The following CPNE2 variants were observed in gnomAD, a reference collection of about 807,000 sequenced individuals.
CPNE2 encodes the protein copine 2.
A neutral mutation model predicts 69.7 loss-of-function variants in CPNE2; 42 were observed. The ratio of observed to expected loss-of-function variants is 0.60; its 90% CI spans 0.47 to 0.78. The LOEUF (loss-of-function observed/expected upper bound fraction) is 0.78. Among genes scored for constraint, CPNE2 ranks in the 30% least tolerant of loss-of-function variants. The pLI is 0.00. For missense variants in CPNE2, 587 were observed against 732.0 expected, an observed-to-expected ratio of 0.80 and a Z score of 2.29; for synonymous variants, 294 against 289.8, an observed-to-expected ratio of 1.01 and a Z score of -0.15.
chr16:57,113,522 A>C (rs1432100625), intron 3 of CPNE2, 55 bp downstream of exon 3: 20 of 1,556,594 alleles, frequency 1.3e-5, no homozygotes, highest in Non-Finnish European at 1.7e-5. Context: ...GCAACCCCTC[A>C]AAAAGTCTCT....
rs775228864 is a variant in CPNE2 at position 57,147,631 on chromosome 16, G to A, written c.1620G>A (p.Leu540=). The A allele has an allele frequency of 1.1e-5, 17 of 1,603,312 alleles. No homozygotes were observed. The Middle Eastern group carries it at 8.3e-4, about 78-fold the overall frequency. The change falls in exon 16 of 16, where the codon CTG becomes CTA. Residue 540 remains leucine (L), a synonymous_variant. Transcript: ENST00000290776. Reference sequence around the variant, plus strand: ...TGCAGTATTTCAAGCATAAAAACCTGCCCCCCACCAACTCGGAGCCCGCCT... The same window carrying A: ...TGCAGTATTTCAAGCATAAAAACCTACCCCCCACCAACTCGGAGCCCGCCT... ...QVVQYFKHKN[L]PPTNSEPA
At chr16:57,121,263 C>T in intron 8 of CPNE2, 72 bp downstream of exon 8, 2 of 1,357,838 alleles carry the variant, frequency 1.5e-6, no homozygotes, top group Non-Finnish European at 2.1e-6. Context: ...GGTCTTGGGT[C>T]AGGCAGCCTG....
intron 6 of CPNE2, 92 bp from the exon 7 acceptor site, chr16:57,119,469 G>A: frequency 1.7e-6 from 2 of 1,207,094 alleles, no homozygotes; most frequent in Non-Finnish European, 1.2e-6. Context: ...CTGTGGGTCT[G>A]CATTTTGTCA....
intron 1 of CPNE2, among the ~76,000 whole-genome samples, chr16:57,100,082 T>C (rs1412365489): frequency 6.6e-6 from 1 of 152,096 alleles, no homozygotes; most frequent in African/African-American, 2.4e-5. Flanking sequence ...CTAGTTTTTG[T>C]GTTTTTAGTG....
intron 1 of CPNE2, among the ~76,000 whole-genome samples, chr16:57,098,379 C>G (rs1026013483): frequency 1.3e-5 from 2 of 152,348 alleles, no homozygotes; most frequent in Admixed American, 1.3e-4. Flanking sequence ...CCGCCCCCAC[C>G]TGGTCAGGAG....
chr16:57,136,472 T>C (rs1171642422), intron 13 of CPNE2, among the ~76,000 whole-genome samples: 3 of 152,228 alleles, frequency 2.0e-5, no homozygotes, highest in Non-Finnish European at 4.4e-5. Context: ...AAAGCATCAC[T>C]GCAAGCTTCG....
chr16:57,097,949 G>T (rs1333697595), intron 1 of CPNE2, among the ~76,000 whole-genome samples: 1 of 152,312 alleles, frequency 6.6e-6, no homozygotes, highest in African/African-American at 2.4e-5. Flanking sequence ...CAGGAGGGAG[G>T]AGTGGCAGGA....
rs2145289902 is a variant in CPNE2, at chr16:57,146,505, A to G, written c.1539+184A>G. On this transcript the variant is annotated intron_variant, in intron 15 of 15. Coordinates refer to ENST00000290776, the MANE Select transcript of CPNE2 (RefSeq NM_152727.6). The surrounding 1 kb of genome is among the most constrained non-coding windows in gnomAD (Gnocchi z 4.4). ...GCCAGGCCTTGCCCCGGTGGTGGCC[A>G]TTGTGATAGTGTGAGCACTTGCTTC... 1 of 604,594 alleles carries G rather than the reference A, an allele frequency of 1.7e-6. No individual in the cohort carries two copies. The highest frequency in any genetic ancestry group is 2.9e-6 in the Non-Finnish European group (1 of 343,204). The allele number at this position is 604,594 out of a possible 1,614,324, so 37.5% of individuals were successfully genotyped here.
intron 6 of CPNE2, 34 bp downstream of exon 6, chr16:57,119,312 G>A (rs1278992134): frequency 1.3e-6 from 2 of 1,593,614 alleles, no homozygotes; most frequent in African/African-American, 2.7e-5. Context: ...TCTCTAAGCA[G>A]TGGGCCTGCA....
chr16:57,115,802 C>T (rs564996048), intron 4 of CPNE2, among the ~76,000 whole-genome samples: 1 of 152,386 alleles, frequency 6.6e-6, no homozygotes, highest in African/African-American at 2.4e-5. Flanking sequence ...TGCCTGCCCT[C>T]CCCTGGGGGT....
At chr16:57,127,800 T>C (rs773023057) in intron 11 of CPNE2, 49 bp from the exon 12 acceptor site, 1 of 1,587,464 alleles carries the variant, frequency 6.3e-7, no homozygotes, top group Non-Finnish European at 8.6e-7. Flanking sequence ...GAGGGTCGGG[T>C]GGTGTCCTCA....
chr16:57,137,309 T>C, intron 14 of CPNE2, 27 bp downstream of exon 14: 1 of 1,613,472 alleles, frequency 6.2e-7, no homozygotes. Context: ...AAGCCAGTCA[T>C]GCCAGGAAAC....
At chr16:57,107,312 G>T (rs1041320384) in intron 1 of CPNE2, among the ~76,000 whole-genome samples, 73 of 152,338 alleles carry the variant, frequency 4.8e-4, no homozygotes, top group South Asian at 6.2e-4. Flanking sequence ...TTATAACAAG[G>T]TTCTAGGAAC....
intron 4 of CPNE2, 142 bp downstream of exon 4, chr16:57,115,692 T>C (rs1311255811): frequency 1.7e-6 from 1 of 590,400 alleles, no homozygotes; most frequent in African/African-American, 1.9e-5. Flanking sequence ...AACAGGTCTC[T>C]TAGCAACCGG....
intron 4 of CPNE2, among the ~76,000 whole-genome samples, chr16:57,117,213 G>T (rs1279747146): frequency 2.0e-5 from 3 of 152,086 alleles, no homozygotes; most frequent in African/African-American, 4.8e-5. Flanking sequence ...GACCACCCCC[G>T]GTGTCTGGTC....
chr16:57,111,804 G>A (rs1232571683), intron 2 of CPNE2, among the ~76,000 whole-genome samples: 1 of 152,222 alleles, frequency 6.6e-6, no homozygotes, highest in African/African-American at 2.4e-5. Context: ...TTGGCTTGAA[G>A]GTTGGAAAGA....
rs2069694104 is a variant in CPNE2 at position 57,113,354 on chromosome 16, T to C, written c.247T>C (p.Tyr83His). The C allele has an allele frequency of 6.2e-7, 1 of 1,614,182 alleles. No individual in the cohort carries two copies. Among genetic ancestry groups the C allele is most frequent in the Non-Finnish European group, 8.5e-7 (1 of 1,180,022 alleles). Residue 83 changes from tyrosine to histidine, a missense_variant, in exon 3 of 16, where the codon TAC (tyrosine) becomes CAC (histidine). Coordinates refer to ENST00000290776, the MANE Select transcript of CPNE2 (RefSeq NM_152727.6). The part of the protein sequence containing the change: ...PAFSKKFVLD[Y>H]HFEEVQKLKF... ...CTTCTCCAAGAAGTTCGTGCTTGAC[T>C]ACCACTTCGAGGAGGTACAGAAGCT... is the stretch of plus-strand genomic sequence containing the variant.
At chr16:57,134,688 AGGGAGCCTT>A in intron 12 of CPNE2, 78 bp from the exon 13 acceptor site, 2 of 1,450,128 alleles carry the variant, frequency 1.4e-6, no homozygotes, top group Non-Finnish European at 1.9e-6. Context: ...GTGCTCTCAA[AGGGAGCCTT>A]GGCCTGGCAG....
Position 57,121,682 on chromosome 16 carries a change from C to T in CPNE2, c.789C>T (p.Phe263=), listed in dbSNP as rs3751709. 2.1e-4 allele frequency: 336 copies of T among 1,614,010 alleles called. 2 individuals are homozygous for T. The East Asian group carries it at 7.0e-3, about 34-fold the overall frequency. ...TCTTTTGCGTTGCCCAGCTGGAGTT[C>T]GAGTGCATCAACCCCAAGAAGCAGA... ...CEARDSVPLE[F]ECINPKKQRK... The change falls in exon 9 of 16, where the codon TTC becomes TTT. Residue 263 remains phenylalanine (F), a synonymous_variant. Transcript: ENST00000290776.
Sources: gnomAD v4.1 joint callset for allele counts (sites outside exome capture counted in the v4.1 genomes callset) on GRCh38, gnomAD v4.1.1 for gene constraint, Gnocchi (gnomAD v3.1) non-coding constraint, MANE v1.5 for transcripts, NCBI Gene and HGNC (gene_info 2026-07-23, HGNC 2026-07-21) for gene names.